The following GCH1 variants were observed in gnomAD, a reference collection of about 807,000 sequenced individuals.
The protein encoded by GCH1 is GTP cyclohydrolase 1.
A neutral mutation model predicts 25.9 loss-of-function variants in GCH1; 5 were observed. That is an observed-to-expected ratio of 0.19 (90% CI 0.10 to 0.41). The LOEUF is 0.41. GCH1 is among the 10% of genes least tolerant of loss of function. GCH1 has a pLI of 1.00. For missense variants in GCH1, 261 were observed against 336.5 expected (o/e 0.78, Z 1.75); for synonymous variants, 159 against 129.6 (o/e 1.23, Z -1.54).
At chr14:54,873,534 C>CAA (rs201085378) in intron 1 of GCH1, among the ~76,000 whole-genome samples, 2 of 150,910 alleles carry the variant, frequency 1.3e-5, no homozygotes, top group Non-Finnish European at 3.0e-5. Flanking sequence ...AAAAAGCCTT[C>CAA]AAAAAATCAA....
In GCH1 at chr14:54,862,649, G is replaced by A. The variant is rs2039921141; in HGVS notation, c.453+2678C>T. On this transcript the variant is annotated intron_variant, in intron 2 of 5. Coordinates refer to ENST00000491895, the MANE Select transcript of GCH1 (RefSeq NM_000161.3). The stretch of plus-strand genomic sequence containing the variant: ...TTTGGTAGAGACAGGGTTTTACCAT[G>A]TTGCCTAGGTTGGTCTCAAACTCCT... Among the ~76,000 whole-genome samples the A allele has an allele frequency of 3.8e-5, 4 of 105,436 alleles. No homozygotes were observed. In the Admixed American group the frequency reaches 5.5e-4, roughly 15 times the overall value. The allele number at this position is 105,436 out of a possible 152,430, so 69.2% of individuals were successfully genotyped here.
At chr14:54,844,183 C>T in intron 5 of GCH1, 40 bp from the exon 6 acceptor site, 1 of 1,411,350 alleles carries the variant, frequency 7.1e-7, no homozygotes. Context: ...AAGGAGTAGA[C>T]AGCTGCTGGT....
chr14:54,859,372 G>A, intron 3 of GCH1: 1 of 399,948 alleles, frequency 2.5e-6, no homozygotes, highest in Non-Finnish European at 4.7e-6. Flanking sequence ...TTAAAGGATG[G>A]GGCTGGACTG....
chr14:54,848,821 C>CA, intron 3 of GCH1, among the ~76,000 whole-genome samples: 1 of 152,126 alleles, frequency 6.6e-6, no homozygotes, highest in Non-Finnish European at 1.5e-5. Flanking sequence ...GTATTTTGAA[C>CA]AAAACCTTAG....
chr14:54,901,737 T>C (rs2140126081), intron 1 of GCH1, among the ~76,000 whole-genome samples: 1 of 152,010 alleles, frequency 6.6e-6, no homozygotes, highest in East Asian at 1.9e-4. Flanking sequence ...ATTTTGTAAA[T>C]GTCCTGAACT....
At chr14:54,888,765 T>C (rs1054212357) in intron 1 of GCH1, among the ~76,000 whole-genome samples, 1 of 151,672 alleles carries the variant, frequency 6.6e-6, no homozygotes, top group African/African-American at 2.4e-5. Flanking sequence ...CCTGGTGATC[T>C]GCCCACCTCA....
chr14:54,885,109 G>A (rs2140105920), intron 1 of GCH1: 1 of 296,414 alleles, frequency 3.4e-6, no homozygotes, highest in Non-Finnish European at 6.7e-6. Context: ...CTGGATGTCA[G>A]TACAAACTCT....
At chr14:54,850,329 C>T (rs1486550186) in intron 3 of GCH1, among the ~76,000 whole-genome samples, 1 of 142,948 alleles carries the variant, frequency 7.0e-6, no homozygotes, top group African/African-American at 2.6e-5. Context: ...TTTTTTCCCC[C>T]GAGACAGAGT....
chr14:54,847,422 G>T (rs1266804334), intron 3 of GCH1, among the ~76,000 whole-genome samples: 11 of 152,158 alleles, frequency 7.2e-5, no homozygotes. Context: ...CACTTAATCT[G>T]GGTGGGCACA....
intron 1 of GCH1, among the ~76,000 whole-genome samples, chr14:54,871,495 G>C (rs937871779): frequency 6.6e-6 from 1 of 152,178 alleles, no homozygotes; most frequent in African/African-American, 2.4e-5. Flanking sequence ...AAAGCCAGAC[G>C]GAGAATGACT....
intron 1 of GCH1, among the ~76,000 whole-genome samples, chr14:54,880,520 T>C (rs1595007375): frequency 3.1e-5 from 1 of 32,206 alleles, no homozygotes; most frequent in Non-Finnish European, 5.2e-5. Flanking sequence ...ATATACTCCA[T>C]ATATATATAT....
intron 3 of GCH1, among the ~76,000 whole-genome samples, chr14:54,854,668 T>C (rs117531555): frequency 0.015 from 2,307 of 152,308 alleles, 35 homozygotes; most frequent in South Asian, 0.048. Context: ...TCAGAGCTTG[T>C]GCAAACCAAG....
At chr14:54,848,127 A>G (rs2039671012) in intron 3 of GCH1, among the ~76,000 whole-genome samples, 1 of 150,272 alleles carries the variant, frequency 6.7e-6, no homozygotes, top group Non-Finnish European at 1.5e-5. Flanking sequence ...TCAAGTGATA[A>G]ATTTTCCTCT....
At chr14:54,869,255 G>T (rs560268050) in intron 1 of GCH1, among the ~76,000 whole-genome samples, 2 of 152,018 alleles carry the variant, frequency 1.3e-5, no homozygotes, top group Non-Finnish European at 2.9e-5. Context: ...TGGCCAGGCT[G>T]GTCTCGAACT....
chr14:54,852,743 C>T (rs557384559), intron 3 of GCH1, among the ~76,000 whole-genome samples: 33 of 152,292 alleles, frequency 2.2e-4, no homozygotes, highest in African/African-American at 7.9e-4. Context: ...AAGAACCCAT[C>T]GACAACGTAA....
At chr14:54,862,987 A>G (rs2039928154) in intron 2 of GCH1, among the ~76,000 whole-genome samples, 3 of 151,822 alleles carry the variant, frequency 2.0e-5, no homozygotes, top group Non-Finnish European at 2.9e-5. Flanking sequence ...CAAATGTGTG[A>G]CTCTCCCTTG....
rs756091241 is a variant in GCH1, at chr14:54,843,035, G to T, written c.*982C>A. 1 of 904,700 alleles carries T rather than the reference G, an allele frequency of 1.1e-6. No homozygotes were observed. Among genetic ancestry groups the T allele is most frequent in the Non-Finnish European group, 1.9e-6 (1 of 533,138 alleles). 56.0% of individuals were successfully genotyped at this position (904,700 alleles called of 1,614,324 possible). On this transcript the variant is annotated 3_prime_UTR_variant, in exon 6 of 6. Coordinates refer to ENST00000491895, the MANE Select transcript of GCH1 (RefSeq NM_000161.3). ...CATTCTGTGCTCGTTCAGGTGCGTGGAAGCTATGGTTCTGCAGACCTGAAA... is the reference window on the plus strand; with the variant it reads ...CATTCTGTGCTCGTTCAGGTGCGTGTAAGCTATGGTTCTGCAGACCTGAAA...
chr14:54,883,941 G>A (rs1043812955), intron 1 of GCH1, among the ~76,000 whole-genome samples: 3 of 152,170 alleles, frequency 2.0e-5, no homozygotes, highest in African/African-American at 7.2e-5. Flanking sequence ...CTTTTTGCTG[G>A]AGCAAAGTTT....
At chr14:54,856,579 A>C (rs1321752229) in intron 3 of GCH1, among the ~76,000 whole-genome samples, 1 of 151,978 alleles carries the variant, frequency 6.6e-6, no homozygotes, top group Non-Finnish European at 1.5e-5. Flanking sequence ...CAGCCTCCGA[A>C]GTAGCTGGGA....
Sources: allele counts gnomAD v4.1 joint callset (sites outside exome capture counted in the v4.1 genomes callset), GRCh38; gene constraint gnomAD v4.1.1; transcripts MANE v1.5; gene names NCBI Gene and HGNC (gene_info 2026-07-23, HGNC 2026-07-21).